Variants in RHBG observed in about 807,000 individuals in gnomAD.
The protein encoded by RHBG is Rh family B glycoprotein, also known as ammonium transporter Rh type B.
In RHBG, 39 loss-of-function variants were observed where a neutral mutation model predicts 40.1. The ratio of observed to expected loss-of-function variants is 0.97; its 90% CI spans 0.75 to 1.27. The LOEUF (loss-of-function observed/expected upper bound fraction) is 1.27. Among genes scored for constraint, RHBG ranks in the 50% most tolerant of loss-of-function variants. RHBG has a pLI of 0.00. For synonymous variants in RHBG, 237 were observed against 252.5 expected (o/e 0.94, Z 0.58); for missense variants, 549 against 588.1 (o/e 0.93, Z 0.69).
In RHBG at chr1:156,382,760, G is replaced by A; in HGVS notation, c.1125G>A (p.Val375=). 1 of 1,614,150 alleles carries A rather than the reference G, an allele frequency of 6.2e-7. No homozygotes were observed. Among genetic ancestry groups the A allele is most frequent in the Non-Finnish European group, 8.5e-7 (1 of 1,180,030 alleles). The change falls in exon 8 of 10, where the codon GTG becomes GTA. Residue 375 remains valine, a synonymous_variant. Transcript: ENST00000537040. ...GGTCTCCCTGCAGCCTGGAGAGTGT[G>A]TTTCCACTCATAGCCGAGGGCCAGC... ...HEAYGDGLES[V]FPLIAEGQRS... is the part of the protein sequence containing the mutation.
chr1:156,369,883 G>A (rs978047084), intron 1 of RHBG, among the ~76,000 whole-genome samples: 2 of 152,142 alleles, frequency 1.3e-5, no homozygotes, highest in Non-Finnish European at 2.9e-5. Flanking sequence ...GCTGGGCAGG[G>A]AAGGTAAGAG....
intron 1 of RHBG, chr1:156,374,550 C>A: frequency 2.3e-6 from 1 of 438,840 alleles, no homozygotes. Flanking sequence ...ATAATGTCCT[C>A]CAGTTCCATC....
chr1:156,384,940 C>A lies in RHBG; in HGVS notation c.*95C>A. ...TTTTGAGCTCCCATTCCTCCAGCTG[C>A]AAGAAGGGAGCCATGAGCCAGAAGG... On this transcript the variant is annotated 3_prime_UTR_variant, in exon 10 of 10. Transcript: ENST00000537040. 2 of 780,940 alleles carry A rather than the reference C, an allele frequency of 2.6e-6. No individual in the cohort carries two copies. The highest frequency in any genetic ancestry group is 4.2e-6 in the Non-Finnish European group (2 of 472,024). 48.4% of individuals were successfully genotyped at this position (780,940 alleles called of 1,614,324 possible).
At chr1:156,375,808 C>T (rs553433886) in intron 1 of RHBG, among the ~76,000 whole-genome samples, 11 of 151,208 alleles carry the variant, frequency 7.3e-5, no homozygotes, top group African/African-American at 2.2e-4. Context: ...GGCGCTATCT[C>T]GGCTCACTGC....
chr1:156,375,752 T>C (rs1667147488), intron 1 of RHBG, among the ~76,000 whole-genome samples: 1 of 151,996 alleles, frequency 6.6e-6, no homozygotes, highest in African/African-American at 2.4e-5. Context: ...TTTTCTTTTT[T>C]TTTTTTGACA....
intron 4 of RHBG, among the ~76,000 whole-genome samples, chr1:156,380,399 C>T (rs6690897): frequency 0.23 from 35,526 of 151,748 alleles, 4,335 homozygotes; most frequent in East Asian, 0.34. Context: ...CTGTGCCCGG[C>T]CTTCTTTACC....
chr1:156,374,070 G>A (rs1450983379), intron 1 of RHBG, among the ~76,000 whole-genome samples: 3 of 152,122 alleles, frequency 2.0e-5, no homozygotes, highest in African/African-American at 7.2e-5. Flanking sequence ...GATGGGGGCC[G>A]CACAGCAGGA....
intron 4 of RHBG, among the ~76,000 whole-genome samples, chr1:156,380,725 C>CAA (rs564713959): frequency 0.063 from 5,148 of 81,758 alleles, 195 homozygotes; most frequent in African/African-American, 0.073. Flanking sequence ...GACCTTGTCT[C>CAA]AAAAAAAAAA....
intron 3 of RHBG, 30 bp from the exon 4 acceptor site, chr1:156,378,222 G>C: frequency 1.2e-6 from 2 of 1,610,604 alleles, no homozygotes; most frequent in Admixed American, 1.7e-5. Context: ...GGGTGGGGGC[G>C]GGGTGCTGCC....
At chr1:156,382,371 G>A (rs1667718943) in intron 7 of RHBG, 170 bp downstream of exon 7, 4 of 889,478 alleles carry the variant, frequency 4.5e-6, no homozygotes, top group Non-Finnish European at 5.3e-6. Context: ...TGCCTTCCTG[G>A]TCCTCTATCA....
Position 156,384,597 on chromosome 1 carries a change from G to A in RHBG, c.1305G>A (p.Trp435Ter), listed in dbSNP as rs567288309. 1.0e-5 allele frequency: 16 copies of A among 1,572,698 alleles called. No individual in the cohort carries two copies. Among genetic ancestry groups the A allele is most frequent in the Admixed American group, 3.6e-5 (2 of 55,796 alleles). ...DSQHYEDQVH[W>*]QVPGEHEDKA... ...AGCACTACGAGGACCAAGTTCACTG[G>A]CAGGTGAGACATTGCTGGGCTCTCA... The change falls in exon 9 of 10, where the codon TGG (tryptophan) becomes TGA (stop). Residue 435 changes from tryptophan (W) to a stop codon, truncating the protein, a stop_gained. Transcript: ENST00000537040. LOFTEE classifies it low-confidence loss of function (END_TRUNC).
At chr1:156,381,323 T>G in intron 4 of RHBG, 24 bp from the exon 5 acceptor site, 1 of 1,613,392 alleles carries the variant, frequency 6.2e-7, no homozygotes, top group Non-Finnish European at 8.5e-7. Flanking sequence ...TTCTTCTCAC[T>G]CTGCCTGTCT....
intron 1 of RHBG, among the ~76,000 whole-genome samples, chr1:156,376,062 C>T (rs1029742365): frequency 7.2e-5 from 11 of 152,048 alleles, no homozygotes; most frequent in African/African-American, 1.4e-4. Context: ...TTATTTTTAT[C>T]GGTTTAGCTT....
chr1:156,377,479 C>T lies in RHBG; in HGVS notation c.366C>T (p.Gly122=), dbSNP rs370872115. 50 of 1,605,682 alleles carry T rather than the reference C, an allele frequency of 3.1e-5. No homozygotes were observed. The highest frequency in any genetic ancestry group is 4.5e-5 in the East Asian group (2 of 44,588). Residue 122 remains glycine (G), a synonymous_variant, in exon 2 of 10, where the codon GGC becomes GGT. Coordinates refer to ENST00000537040, the MANE Select transcript of RHBG (RefSeq NM_020407.5). The surrounding 1 kb of genome is among the most constrained non-coding windows in gnomAD (Gnocchi z 4.6). ...TCCACGGTGGCCACATCCATGTTGG[C>T]GTGGAGAGGTGGGCAGCCGCCACCC... The part of the protein sequence containing the change: ...HSFHGGHIHV[G]VESMINADFC...
Position 156,377,627 on chromosome 1 carries a change from C to A in RHBG, c.374+140C>A. On this transcript the variant is annotated intron_variant, in intron 2 of 9. Coordinates refer to ENST00000537040, the MANE Select transcript of RHBG (RefSeq NM_020407.5). This position sits in a 1 kb window ranked among gnomAD's most constrained non-coding sequence, Gnocchi z 4.6. ...TCACTTGGTTTCTCTAGGTGTCCTGCCTGTCCTTATTGCCTGACTTCCTCT... is the reference window on the plus strand; with the variant it reads ...TCACTTGGTTTCTCTAGGTGTCCTGACTGTCCTTATTGCCTGACTTCCTCT... 1.1e-6 allele frequency: 1 copy of A among 871,418 alleles called. No homozygotes were observed. The highest frequency in any genetic ancestry group is 1.7e-6 in the Non-Finnish European group (1 of 582,026). 54.0% of individuals were successfully genotyped at this position (871,418 alleles called of 1,614,324 possible).
intron 8 of RHBG, 69 bp from the exon 9 acceptor site, chr1:156,384,458 C>A: frequency 2.1e-6 from 3 of 1,428,328 alleles, no homozygotes; most frequent in Non-Finnish European, 3.0e-6. Context: ...TGCCCTGTGG[C>A]ACTGGGTGGC....
Position 156,378,406 on chromosome 1 carries a change from C to T in RHBG, c.673+7C>T, listed in dbSNP as rs893874874. 5 of 1,586,630 alleles carry T rather than the reference C, an allele frequency of 3.2e-6. No homozygotes were observed. The highest frequency in any genetic ancestry group is 2.6e-6 in the Non-Finnish European group (3 of 1,164,222). On this transcript the variant is annotated splice_region_variant and intron_variant, in intron 4 of 9. Coordinates refer to ENST00000537040, the MANE Select transcript of RHBG (RefSeq NM_020407.5). ...GACCTCTTCGCCATGATTGGTGAGG[C>T]CTTCGAGGTGCGGTAGCAGGGCAGG... is the stretch of plus-strand genomic sequence containing the variant.
chr1:156,374,266 C>T (rs938373393), intron 1 of RHBG, among the ~76,000 whole-genome samples: 1 of 152,264 alleles, frequency 6.6e-6, no homozygotes, highest in South Asian at 2.1e-4. Context: ...TCCCCCACCC[C>T]CCAACCATTT....
At chr1:156,373,704 A>T (rs914816873) in intron 1 of RHBG, among the ~76,000 whole-genome samples, 1 of 152,220 alleles carries the variant, frequency 6.6e-6, no homozygotes, top group Non-Finnish European at 1.5e-5. Flanking sequence ...AGATGTAAAC[A>T]TTTATACCAC....
Sources: allele counts gnomAD v4.1 joint callset (sites outside exome capture counted in the v4.1 genomes callset), GRCh38; gene constraint gnomAD v4.1.1; non-coding constraint Gnocchi (gnomAD v3.1); transcripts MANE v1.5; gene names NCBI Gene and HGNC (gene_info 2026-07-23, HGNC 2026-07-21).